The following AJAP1 variants were observed in gnomAD, a reference collection of about 807,000 sequenced individuals.
AJAP1 encodes adherens junctions associated protein 1.
In AJAP1, 5 loss-of-function variants were observed where a neutral mutation model predicts 35.0. The ratio of observed to expected loss-of-function variants is 0.14; its 90% CI spans 0.07 to 0.30. The LOEUF is 0.30. AJAP1 is among the 10% of genes least tolerant of loss of function. The pLI, the probability that AJAP1 is intolerant of heterozygous loss-of-function variation, is 1.00. For synonymous variants in AJAP1, 284 were observed against 249.3 expected (o/e 1.14, Z -1.31); for missense variants, 586 against 571.0 (o/e 1.03, Z -0.27).
chr1:4,716,953 G>A (rs1392703411), intron 2 of AJAP1, among the ~76,000 whole-genome samples: 1 of 152,134 alleles, frequency 6.6e-6, no homozygotes, highest in African/African-American at 2.4e-5. Flanking sequence ...AAATCACCTG[G>A]CACAGGTTCA....
rs150617754 is a variant in AJAP1 at position 4,769,650 on chromosome 1, C to T, written c.830-203C>T. Among the ~76,000 whole-genome samples the T allele has an allele frequency of 1.6e-3, 242 of 152,244 alleles. 1 individual carries two copies. The highest frequency in any genetic ancestry group is 2.5e-3 in the Non-Finnish European group (168 of 68,012). On this transcript the variant is annotated intron_variant, in intron 2 of 5. Transcript: ENST00000378191. ...GCTGGAGCTCCCCCTTCCTGGACCC[C>T]GGGTGAGAGCAGCCTCATGCCCGGG...
Position 4,656,133 on chromosome 1 carries a change from G to A in AJAP1, c.29+679G>A, listed in dbSNP as rs890149404. ...AACACACACGCACATACGCCCGCCG[G>A]CGCGCCCGGGGCTTGTCTGTGTCTG... On this transcript the variant is annotated intron_variant, in intron 1 of 5. Coordinates refer to ENST00000378191, the MANE Select transcript of AJAP1 (RefSeq NM_018836.4). This position sits in a 1 kb window ranked among gnomAD's most constrained non-coding sequence, Gnocchi z 5.7. Among the ~76,000 whole-genome samples, 1 of 152,104 alleles carries A rather than the reference G, an allele frequency of 6.6e-6. No homozygotes were observed. The highest frequency in any genetic ancestry group is 2.4e-5 in the African/African-American group (1 of 41,444).
At chr1:4,677,288 ACAGTC>A (rs1315657191) in intron 1 of AJAP1, among the ~76,000 whole-genome samples, 6 of 152,196 alleles carry the variant, frequency 3.9e-5, no homozygotes, top group Admixed American at 3.9e-4. Context: ...CCGCCAGCAG[ACAGTC>A]AGGGTGGGCT....
At chr1:4,709,339 T>G (rs929267740) in intron 1 of AJAP1, among the ~76,000 whole-genome samples, 1 of 148,234 alleles carries the variant, frequency 6.7e-6, no homozygotes, top group African/African-American at 2.5e-5. Flanking sequence ...CCTGGTGGAG[T>G]ATAGTGGGGA....
chr1:4,747,567 TCTAC>T (rs1641217712), intron 2 of AJAP1, among the ~76,000 whole-genome samples: 1 of 152,182 alleles, frequency 6.6e-6, no homozygotes, highest in Admixed American at 6.5e-5. Context: ...TGGGCCCCAT[TCTAC>T]CTGACGTGCA....
intron 1 of AJAP1, among the ~76,000 whole-genome samples, chr1:4,672,807 A>C (rs1639277650): frequency 6.6e-6 from 1 of 152,216 alleles, no homozygotes; most frequent in African/African-American, 2.4e-5. Context: ...GAGGTAGGGA[A>C]GATTTCTAAT....
At chr1:4,660,952 T>A (rs1193790690) in intron 1 of AJAP1, among the ~76,000 whole-genome samples, 1 of 152,224 alleles carries the variant, frequency 6.6e-6, no homozygotes, top group Non-Finnish European at 1.5e-5. Context: ...AGCCCCACTT[T>A]TCTACCCTGG....
At chr1:4,760,580 C>A (rs1382483437) in intron 2 of AJAP1, among the ~76,000 whole-genome samples, 3 of 152,184 alleles carry the variant, frequency 2.0e-5, no homozygotes. Flanking sequence ...GGCTGGGGAG[C>A]CACATTTCCC....
Position 4,655,940 on chromosome 1 carries a change from C to A in AJAP1, c.29+486C>A, listed in dbSNP as rs1638871258. On this transcript the variant is annotated intron_variant, in intron 1 of 5. Transcript: ENST00000378191. This position sits in a 1 kb window ranked among gnomAD's most constrained non-coding sequence, Gnocchi z 6.9. Reference sequence around the variant, plus strand: ...CAGCCAAACAGCCACTCCGCTCCCCCTTCTCCTTTCTCGGGGCCCCGGGGC... The same window carrying A: ...CAGCCAAACAGCCACTCCGCTCCCCATTCTCCTTTCTCGGGGCCCCGGGGC... Among the ~76,000 whole-genome samples the A allele has an allele frequency of 6.6e-6, 1 of 151,996 alleles. No homozygotes were observed. The highest frequency in any genetic ancestry group is 1.5e-5 in the Non-Finnish European group (1 of 67,952).
chr1:4,772,093 TTTA>T (rs372338497), intron 3 of AJAP1, among the ~76,000 whole-genome samples, 184 bp from the exon 4 acceptor site: 7,209 of 106,756 alleles, frequency 0.068, 518 homozygotes, highest in African/African-American at 0.19. Flanking sequence ...ATTTTTTTTT[TTTA>T]AAAAAAAAGA....
intron 2 of AJAP1, among the ~76,000 whole-genome samples, chr1:4,737,904 AAAAACCAAAACC>A (rs540005271): frequency 1.4e-4 from 22 of 152,272 alleles, no homozygotes; most frequent in South Asian, 6.2e-4. Context: ...CCTCTTTCAA[AAAAACCAAAACC>A]AAAACCAAAA....
At chr1:4,668,782 CG>C (rs965445560) in intron 1 of AJAP1, among the ~76,000 whole-genome samples, 3 of 152,176 alleles carry the variant, frequency 2.0e-5, no homozygotes, top group African/African-American at 7.2e-5. Context: ...TTAATGCCCA[CG>C]GGGTGGAGCC....
chr1:4,780,899 T>A (rs1208355440), intron 5 of AJAP1, among the ~76,000 whole-genome samples: 2 of 152,090 alleles, frequency 1.3e-5, no homozygotes, highest in Non-Finnish European at 2.9e-5. Flanking sequence ...CTTCCCACAG[T>A]AGCTGAGCGG....
At chr1:4,711,851 C>T (rs755921575) in intron 1 of AJAP1, 49 bp from the exon 2 acceptor site, 5 of 1,382,206 alleles carry the variant, frequency 3.6e-6, no homozygotes, top group Admixed American at 2.9e-5. Context: ...GCCCAGTCCC[C>T]CTCCTGGGCT....
In AJAP1 at chr1:4,774,423, GC is replaced by G; in HGVS notation, c.1164-3del. 1 of 1,614,094 alleles carries G rather than the reference GC, an allele frequency of 6.2e-7. No individual in the cohort carries two copies. Among genetic ancestry groups the G allele is most frequent in the Non-Finnish European group, 8.5e-7 (1 of 1,179,962 alleles). On this transcript the variant is annotated splice_region_variant and splice_polypyrimidine_tract_variant and intron_variant, in intron 4 of 5. Transcript: ENST00000378191. ...GCCAAAGCCCATTTTTCTGTTCACC[GC>G]AGACCCTCCTCTTCTGATCGGCATC...
rs1055255127 is a variant in AJAP1, at chr1:4,712,011, G to C, written c.141G>C (p.Gly47=). 2.5e-6 allele frequency: 4 copies of C among 1,595,564 alleles called. No individual in the cohort carries two copies. The highest frequency in any genetic ancestry group is 1.4e-5 in the African/African-American group (1 of 72,622). The part of the protein sequence containing the change: ...DLPACEALGP[G]PEFWLLPRSP... ...CCGCCTGTGAGGCCCTGGGCCCGGG[G>C]CCGGAGTTCTGGCTCCTGCCGCGGT... The change falls in exon 2 of 6, where the codon GGG becomes GGC. Residue 47 remains glycine, a synonymous_variant. Coordinates refer to ENST00000378191, the MANE Select transcript of AJAP1 (RefSeq NM_018836.4).
intron 2 of AJAP1, among the ~76,000 whole-genome samples, chr1:4,760,029 A>G (rs1641527975): frequency 6.6e-6 from 1 of 152,166 alleles, no homozygotes; most frequent in African/African-American, 2.4e-5. Context: ...ACTGGCCTTC[A>G]GAGCCATCAT....
intron 2 of AJAP1, among the ~76,000 whole-genome samples, chr1:4,761,946 C>A (rs1641576113): frequency 6.6e-6 from 1 of 152,160 alleles, no homozygotes; most frequent in African/African-American, 2.4e-5. Flanking sequence ...CCTTTGGTGA[C>A]ACCCTCGCAG....
At chr1:4,705,864 C>T (rs572202959) in intron 1 of AJAP1, among the ~76,000 whole-genome samples, 15 of 152,150 alleles carry the variant, frequency 9.9e-5, no homozygotes, top group African/African-American at 2.4e-4. Flanking sequence ...GGACTGAAAA[C>T]GGACGCTAAG....
Sources: gnomAD v4.1 joint callset for allele counts (sites outside exome capture counted in the v4.1 genomes callset) on GRCh38, gnomAD v4.1.1 for gene constraint, Gnocchi (gnomAD v3.1) non-coding constraint, MANE v1.5 for transcripts, NCBI Gene and HGNC (gene_info 2026-07-23, HGNC 2026-07-21) for gene names.